PCDHB16: variants seen among roughly 807,000 people sequenced by gnomAD.
PCDHB16 encodes protocadherin beta 16.
For missense variants in PCDHB16, 1,026 were observed against 989.9 expected, an observed-to-expected ratio of 1.04 and a Z score of -0.49; for synonymous variants, 444 against 436.5, an observed-to-expected ratio of 1.02 and a Z score of -0.21.
rs1254112670 is a variant in PCDHB16, at chr5:141,184,806, C to G, written c.2247C>G (p.Tyr749Ter). The change falls in exon 1 of 1, where the codon TAC (tyrosine) becomes TAG (stop). Residue 749 changes from tyrosine (Y) to a stop codon, truncating the protein, a stop_gained. Coordinates refer to ENST00000609684, the MANE Select transcript of PCDHB16 (RefSeq NM_020957.4). LOFTEE classifies it low-confidence loss of function (END_TRUNC). ...GCACCGGGACCCTGTCCCAGAGCTA[C>G]CAATACGAGGTGTGTCTGACAGGAG... Reference protein sequence around the residue: ...VSGTGTLSQSYQYEVCLTGGS... With the variant: ...VSGTGTLSQS The G allele has an allele frequency of 4.3e-6, 7 of 1,614,116 alleles. No homozygotes were observed. The highest frequency in any genetic ancestry group is 5.9e-6 in the Non-Finnish European group (7 of 1,180,060).
rs782475588 is a variant in PCDHB16, at chr5:141,183,858, G to A, written c.1299G>A (p.Thr433=). The stretch of plus-strand genomic sequence containing the variant: ...ATATGGGGACTCCAAGGCTGAAAAC[G>A]GAGCACAACATAACAGTGCAGATAT... ...VTDMGTPRLK[T]EHNITVQISD... The change falls in exon 1 of 1, where the codon ACG becomes ACA. Residue 433 remains threonine (T), a synonymous_variant. Transcript: ENST00000609684. The A allele has an allele frequency of 1.2e-6, 2 of 1,614,160 alleles. No individual in the cohort carries two copies. Among genetic ancestry groups the A allele is most frequent in the South Asian group, 2.2e-5 (2 of 91,078 alleles).
At position 141,183,380 on chromosome 5, in the gene PCDHB16, A is replaced by G. The variant is rs200309913; in HGVS notation, c.821A>G (p.Asn274Ser). The change falls in exon 1 of 1, where the codon AAT becomes AGT. Residue 274 changes from asparagine to serine, a missense_variant. Coordinates refer to ENST00000609684, the MANE Select transcript of PCDHB16 (RefSeq NM_020957.4). ...GCCAGGGATTTAGACGGCGGAGCCA[A>G]TGGAAAAATATCATACACACTCTTT... ...VSARDLDGGA[N>S]GKISYTLFQP... is the part of the protein sequence containing the mutation. 9.3e-6 allele frequency: 15 copies of G among 1,614,168 alleles called. No individual in the cohort carries two copies. In the Admixed American group the frequency reaches 2.0e-4, roughly 22 times the overall value.
chr5:141,184,887 T>G lies in PCDHB16; in HGVS notation c.2328T>G (p.Pro776=), dbSNP rs782679536. Residue 776 remains proline, a synonymous_variant, in exon 1 of 1, where the codon CCT becomes CCG. Transcript: ENST00000609684. ...FLKPIIPNFS[P] is the part of the protein sequence containing the mutation. ...AGCCGATTATCCCCAACTTCTCTCC[T>G]TAGGGCACTAGGAAAGAAATAGATT... 8 of 1,613,898 alleles carry G rather than the reference T, an allele frequency of 5.0e-6. No homozygotes were observed. The East Asian group carries it at 1.6e-4, about 31-fold the overall frequency.
At position 141,182,419 on chromosome 5, in the gene PCDHB16, G is replaced by A. The variant is rs1002286752; in HGVS notation, c.-141G>A. On this transcript the variant is annotated 5_prime_UTR_variant, in exon 1 of 1. Transcript: ENST00000609684. The stretch of plus-strand genomic sequence containing the variant: ...AAAGCCTGGAAGCAGAAGAATAGCT[G>A]AGCCAGAGCGAACGTGAGTGTGAAA... The A allele has an allele frequency of 1.2e-5, 8 of 657,406 alleles. No homozygotes were observed. In the African/African-American group the frequency reaches 1.3e-4, roughly 11 times the overall value. 40.7% of individuals were successfully genotyped at this position (657,406 alleles called of 1,614,324 possible). A position where few individuals can be genotyped will look rare whatever the true frequency, so the allele number is the denominator to read the frequency against.
Position 141,184,608 on chromosome 5 carries a change from C to T in PCDHB16, c.2049C>T (p.Ala683=). 1.2e-6 allele frequency: 2 copies of T among 1,612,718 alleles called. No individual in the cohort carries two copies. The highest frequency in any genetic ancestry group is 1.7e-6 in the Non-Finnish European group (2 of 1,179,812). Residue 683 remains alanine, a synonymous_variant, in exon 1 of 1, where the codon GCC becomes GCT. Transcript: ENST00000609684. The part of the protein sequence containing the change: ...LPEAAPGQTQ[A]NSLTVYLVVA... ...AGGCGGCCCCCGGCCAGACCCAGGC[C>T]AACTCGCTCACTGTCTACCTGGTGG...
chr5:141,183,968 T>C lies in PCDHB16; in HGVS notation c.1409T>C (p.Ile470Thr), dbSNP rs1554282243. 6.2e-7 allele frequency: 1 copy of C among 1,612,372 alleles called. No individual in the cohort carries two copies. The highest frequency in any genetic ancestry group is 8.5e-7 in the Non-Finnish European group (1 of 1,179,754). The change falls in exon 1 of 1, where the codon ATC (isoleucine) becomes ACC (threonine). Residue 470 changes from isoleucine (I) to threonine (T), a missense_variant. Coordinates refer to ENST00000609684, the MANE Select transcript of PCDHB16 (RefSeq NM_020957.4). ...VRENNSPALHIGSVSATDRDS... is the reference protein window; with the variant it reads ...VRENNSPALHTGSVSATDRDS... ...GAGAACAACAGCCCCGCCCTGCACATCGGCAGCGTCAGCGCCACAGACAGA... is the reference window on the plus strand; with the variant it reads ...GAGAACAACAGCCCCGCCCTGCACACCGGCAGCGTCAGCGCCACAGACAGA...
rs782359902 is a variant in PCDHB16 at position 141,183,808 on chromosome 5, TATA to T, written c.1253_1255del (p.Asn418del). Reference sequence around the variant, plus strand: ...ACTCGACAGAGAAGCAAGAGCTGAATATAATATCACCCTCACCGTCACAGATAT... The same window carrying T: ...ACTCGACAGAGAAGCAAGAGCTGAATATATCACCCTCACCGTCACAGATAT... On this transcript the variant is annotated inframe_deletion, in exon 1 of 1. Coordinates refer to ENST00000609684, the MANE Select transcript of PCDHB16 (RefSeq NM_020957.4). The T allele has an allele frequency of 1.9e-6, 3 of 1,614,182 alleles. No individual in the cohort carries two copies. Among genetic ancestry groups the T allele is most frequent in the Admixed American group, 1.7e-5 (1 of 60,024 alleles).
Position 141,185,853 on chromosome 5 carries a change from A to C in PCDHB16, c.*963A>C. On this transcript the variant is annotated 3_prime_UTR_variant, in exon 1 of 1. Transcript: ENST00000609684. ...AGAAATCTTTAACCAGCCTTATCTA[A>C]AAATAAAAAGAGAAGCCATTGTAAG... is the stretch of plus-strand genomic sequence containing the variant. The C allele has an allele frequency of 1.0e-6, 1 of 993,154 alleles. No individual in the cohort carries two copies. Among genetic ancestry groups the C allele is most frequent in the Non-Finnish European group, 1.2e-6 (1 of 823,484 alleles). The allele number at this position is 993,154 out of a possible 1,614,324, so 61.5% of individuals were successfully genotyped here. A position where few individuals can be genotyped will look rare whatever the true frequency, so the allele number is the denominator to read the frequency against.
chr5:141,182,578 C>A lies in PCDHB16; in HGVS notation c.19C>A (p.His7Asn), dbSNP rs782459939. 1 of 1,520,988 alleles carries A rather than the reference C, an allele frequency of 6.6e-7. No individual in the cohort carries two copies. Among genetic ancestry groups the A allele is most frequent in the Non-Finnish European group, 8.8e-7 (1 of 1,136,462 alleles). 94.2% of individuals were successfully genotyped at this position (1,520,988 alleles called of 1,614,324 possible). A position where few individuals can be genotyped will look rare whatever the true frequency, so the allele number is the denominator to read the frequency against. MEIGWM[H>N]NRRQRQVLVF... ...AAAAGCAATGGAGATTGGATGGATG[C>A]ACAATCGGAGACAAAGGCAAGTCCT... Residue 7 changes from histidine (H) to asparagine (N), a missense_variant, in exon 1 of 1, where the codon CAC becomes AAC. Transcript: ENST00000609684.
In PCDHB16 at chr5:141,184,407, T is replaced by C. The variant is rs200756702; in HGVS notation, c.1848T>C (p.Gly616=). 131 of 1,606,070 alleles carry C rather than the reference T, an allele frequency of 8.2e-5. 2 individuals are homozygous for C. The highest frequency in any genetic ancestry group is 5.3e-4 in the Admixed American group (32 of 59,908). The change falls in exon 1 of 1, where the codon GGT becomes GGC. Residue 616 remains glycine (G), a synonymous_variant. Transcript: ENST00000609684. ...LLKATEPGLF[G]VWAHNGEVRT... is the part of the protein sequence containing the mutation. ...AGGCCACGGAGCCCGGGCTGTTCGG[T>C]GTGTGGGCGCACAATGGCGAGGTGC...
At position 141,183,719 on chromosome 5, in the gene PCDHB16, A is replaced by T. The variant is rs1432264202; in HGVS notation, c.1160A>T (p.Glu387Val). Residue 387 changes from glutamate to valine, a missense_variant, in exon 1 of 1, where the codon GAA (glutamate) becomes GTA (valine). By Grantham distance (121) the Glu-to-Val change is moderately radical (BLOSUM62 -2). Coordinates refer to ENST00000609684, the MANE Select transcript of PCDHB16 (RefSeq NM_020957.4). ...NNGKTISSIQ[E>V]DLPFLLKPSV... The stretch of plus-strand genomic sequence containing the variant: ...GGGAAGACGATTTCCTCCATCCAGG[A>T]AGACCTTCCCTTTCTTCTAAAACCT... 1.2e-6 allele frequency: 2 copies of T among 1,614,202 alleles called. No homozygotes were observed. The highest frequency in any genetic ancestry group is 3.3e-5 in the Admixed American group (2 of 60,024).
Position 141,186,193 on chromosome 5 carries a change from C to T in PCDHB16, c.*1303C>T, listed in dbSNP as rs1429296370. 25 of 990,718 alleles carry T rather than the reference C, an allele frequency of 2.5e-5. No homozygotes were observed. Among genetic ancestry groups the T allele is most frequent in the East Asian group, 1.1e-4 (1 of 8,776 alleles). The allele number at this position is 990,718 out of a possible 1,614,324, so 61.4% of individuals were successfully genotyped here. A position where few individuals can be genotyped will look rare whatever the true frequency, so the allele number is the denominator to read the frequency against. On this transcript the variant is annotated 3_prime_UTR_variant, in exon 1 of 1. Transcript: ENST00000609684. ...GTTGAGCTTCTTTCTAGATATTAGG[C>T]CTTTGAATAAAATTCTATGTGAGTC...
In PCDHB16 at chr5:141,183,309, G is replaced by A. The variant is rs1753614412; in HGVS notation, c.750G>A (p.Gln250=). 2.5e-6 allele frequency: 4 copies of A among 1,614,180 alleles called. No homozygotes were observed. Among genetic ancestry groups the A allele is most frequent in the Non-Finnish European group, 3.4e-6 (4 of 1,180,010 alleles). The change falls in exon 1 of 1, where the codon CAG becomes CAA. Residue 250 remains glutamine, a synonymous_variant. Transcript: ENST00000609684. ...TTGAGCAGCCCATCTACAAAGTGCAGATTCCAGAGAACAGTCCTCTTGGCT... is the reference window on the plus strand; with the variant it reads ...TTGAGCAGCCCATCTACAAAGTGCAAATTCCAGAGAACAGTCCTCTTGGCT... ...PEFEQPIYKV[Q]IPENSPLGSL... is the part of the protein sequence containing the mutation.
rs147279664 is a variant in PCDHB16, at chr5:141,184,677, C to G, written c.2118C>G (p.Leu706=). 9.1e-5 allele frequency: 146 copies of G among 1,612,156 alleles called. No individual in the cohort carries two copies. The Middle Eastern group carries it at 2.1e-3, about 23-fold the overall frequency. ...CGTCGCTCTTCCTCTTTTCGGTGCTCCTGTTCGTGGCGGTGCGGCTGTGCA... is the reference window on the plus strand; with the variant it reads ...CGTCGCTCTTCCTCTTTTCGGTGCTGCTGTTCGTGGCGGTGCGGCTGTGCA... ...SVSSLFLFSV[L]LFVAVRLCRR... The change falls in exon 1 of 1, where the codon CTC becomes CTG. Residue 706 remains leucine (L), a synonymous_variant. Coordinates refer to ENST00000609684, the MANE Select transcript of PCDHB16 (RefSeq NM_020957.4).
rs1554282483 is a variant in PCDHB16, at chr5:141,184,841, C to T, written c.2282C>T (p.Thr761Ile). Reference sequence around the variant, plus strand: ...GTGTGTCTGACAGGAGGCTCAGAAACAAGTGAGTTCAAGTTCCTGAAGCCG... The same window carrying T: ...GTGTGTCTGACAGGAGGCTCAGAAATAAGTGAGTTCAAGTTCCTGAAGCCG... The part of the protein sequence containing the change: ...YEVCLTGGSE[T>I]SEFKFLKPII... Residue 761 changes from threonine to isoleucine, a missense_variant, in exon 1 of 1, where the codon ACA becomes ATA. Physicochemically the swap from Thr to Ile is moderately conservative, Grantham distance 89 (BLOSUM62 -1). Coordinates refer to ENST00000609684, the MANE Select transcript of PCDHB16 (RefSeq NM_020957.4). 6.8e-6 allele frequency: 11 copies of T among 1,614,208 alleles called. No individual in the cohort carries two copies. Among genetic ancestry groups the T allele is most frequent in the Non-Finnish European group, 9.3e-6 (11 of 1,180,048 alleles).
At position 141,184,959 on chromosome 5, in the gene PCDHB16, A is replaced by G. The variant is rs1211552924; in HGVS notation, c.*69A>G. On this transcript the variant is annotated 3_prime_UTR_variant, in exon 1 of 1. Transcript: ENST00000609684. ...GCTTTGGATTTAATTATTGATAGGA[A>G]CCCATTTGATAAATTCCTTAACTTC... 2 of 1,552,930 alleles carry G rather than the reference A, an allele frequency of 1.3e-6. No homozygotes were observed. Among genetic ancestry groups the G allele is most frequent in the South Asian group, 2.5e-5 (2 of 80,700 alleles).
In PCDHB16 at chr5:141,183,533, G is replaced by A; in HGVS notation, c.974G>A (p.Gly325Glu). The change falls in exon 1 of 1, where the codon GGA (glycine) becomes GAA (glutamate). Residue 325 changes from glycine to glutamate, a missense_variant. By Grantham distance (98) the Gly-to-Glu change is moderately conservative. Transcript: ENST00000609684. Reference sequence around the variant, plus strand: ...GTGCGCATCAAAGCCACAGATGGGGGAGGTCTTTCAGGAAAGTGCACTCTT... The same window carrying A: ...GTGCGCATCAAAGCCACAGATGGGGAAGGTCTTTCAGGAAAGTGCACTCTT... ...YEVRIKATDG[G>E]GLSGKCTLLL... 1 of 1,614,204 alleles carries A rather than the reference G, an allele frequency of 6.2e-7. No individual in the cohort carries two copies. The highest frequency in any genetic ancestry group is 1.1e-5 in the South Asian group (1 of 91,078).
At position 141,185,381 on chromosome 5, in the gene PCDHB16, GTTTCTTTCTTTCTTTT is replaced by G; in HGVS notation, c.*492_*507del. 2.6e-6 allele frequency: 2 copies of G among 758,972 alleles called. No individual in the cohort carries two copies. Among genetic ancestry groups the G allele is most frequent in the Admixed American group, 1.3e-4 (2 of 15,754 alleles). The allele number at this position is 758,972 out of a possible 1,614,324, so 47.0% of individuals were successfully genotyped here. ...TTTTCATTATAATACTTTTCTTAAA[GTTTCTTTCTTTCTTTT>G]CTTTTCTTTCTTTTTTTTTTTTTCC... On this transcript the variant is annotated 3_prime_UTR_variant, in exon 1 of 1. Transcript: ENST00000609684.
In PCDHB16 at chr5:141,185,728, A is replaced by T. The variant is rs959159471; in HGVS notation, c.*838A>T. The stretch of plus-strand genomic sequence containing the variant: ...AAAGTTTTATTTATTTATTTTTTTG[A>T]GATGGAGTCTCGTAAAGTTACCTTT... On this transcript the variant is annotated 3_prime_UTR_variant, in exon 1 of 1. Transcript: ENST00000609684. 5.6e-5 allele frequency: 56 copies of T among 997,662 alleles called. No individual in the cohort carries two copies. The Admixed American group carries it at 8.6e-4, about 15-fold the overall frequency. 61.8% of individuals were successfully genotyped at this position (997,662 alleles called of 1,614,324 possible).
Sources: gnomAD v4.1 joint callset for allele counts on GRCh38, gnomAD v4.1.1 for gene constraint, MANE v1.5 for transcripts, NCBI Gene and HGNC (gene_info 2026-07-23, HGNC 2026-07-21) for gene names.